The following ARHGAP26 variants were observed in gnomAD, a reference collection of about 807,000 sequenced individuals.
ARHGAP26 encodes rho GTPase-activating protein 26.
A neutral mutation model predicts 104.8 loss-of-function variants in ARHGAP26; 38 were observed. That is an observed-to-expected ratio of 0.36 (90% CI 0.28 to 0.48). ARHGAP26 has a LOEUF of 0.48. Among genes scored for constraint, ARHGAP26 ranks in the 20% least tolerant of loss-of-function variants. ARHGAP26 has a pLI of 0.99. For synonymous variants in ARHGAP26, 341 were observed against 340.0 expected, an observed-to-expected ratio of 1.00 and a Z score of -0.03; for missense variants, 704 against 947.9, an observed-to-expected ratio of 0.74 and a Z score of 3.38.
intron 11 of ARHGAP26, among the ~76,000 whole-genome samples, chr5:142,979,898 C>T (rs1487220494): frequency 1.3e-5 from 2 of 152,186 alleles, no homozygotes; most frequent in Admixed American, 6.5e-5. Context: ...CTGGAAACTC[C>T]GGAGTGAGGC....
At chr5:143,021,545 A>AGG (rs1415195551) in intron 12 of ARHGAP26, among the ~76,000 whole-genome samples, 1 of 152,154 alleles carries the variant, frequency 6.6e-6, no homozygotes, top group African/African-American at 2.4e-5. Context: ...GATTAGAGAG[A>AGG]GGGTTTGCAT....
At chr5:142,876,829 T>G (rs1466164528) in intron 3 of ARHGAP26, among the ~76,000 whole-genome samples, 1 of 104,526 alleles carries the variant, frequency 9.6e-6, no homozygotes, top group African/African-American at 3.6e-5. Context: ...CCAAACAGAG[T>G]AGAAACCTCT....
chr5:143,149,174 G>A (rs554426882), intron 20 of ARHGAP26, among the ~76,000 whole-genome samples: 1 of 152,232 alleles, frequency 6.6e-6, no homozygotes, highest in South Asian at 2.1e-4. Context: ...TGCCTGCCTG[G>A]TACAGATCTG....
chr5:143,024,246 G>A (rs1329376457), intron 12 of ARHGAP26, among the ~76,000 whole-genome samples: 1 of 152,124 alleles, frequency 6.6e-6, no homozygotes, highest in African/African-American at 2.4e-5. Flanking sequence ...GACTGGTGGT[G>A]GTACTCCTTG....
chr5:143,028,979 T>A (rs751032801), intron 12 of ARHGAP26, among the ~76,000 whole-genome samples: 23 of 152,212 alleles, frequency 1.5e-4, no homozygotes, highest in Admixed American at 5.2e-4. Context: ...TAAGAACCAG[T>A]TGGCCACCTT....
At chr5:143,094,480 G>A (rs949107916) in intron 17 of ARHGAP26, among the ~76,000 whole-genome samples, 15 of 152,216 alleles carry the variant, frequency 9.9e-5, no homozygotes, top group African/African-American at 3.4e-4. Flanking sequence ...CCCCCAGAGG[G>A]GAACGTAATC....
chr5:142,990,653 C>G (rs1013092480), intron 11 of ARHGAP26, among the ~76,000 whole-genome samples: 1 of 152,094 alleles, frequency 6.6e-6, no homozygotes, highest in African/African-American at 2.4e-5. Context: ...TGTGGATGTC[C>G]TTTCTGTTTG....
In ARHGAP26 at chr5:143,192,740, T is replaced by TC. The variant is rs1806132200; in HGVS notation, c.1989-14458_1989-14457insC. 3 of 152,266 alleles carry TC rather than the reference T, an allele frequency of 2.0e-5. No individual in the cohort carries two copies. In the South Asian group the frequency reaches 6.2e-4, roughly 32 times the overall value. 9.4% of individuals were successfully genotyped at this position (152,266 alleles called of 1,614,324 possible). A position where few individuals can be genotyped will look rare whatever the true frequency, so the allele number is the denominator to read the frequency against. ...AAAAATGGAAGTCATAAGCTGACAT[T>TC]TTGGGAAGTCTCATGGTGGATCTAA... On this transcript the variant is annotated intron_variant, in intron 20 of 22. Coordinates refer to ENST00000645722, the MANE Select transcript of ARHGAP26 (RefSeq NM_001135608.3).
rs3776332 is a variant in ARHGAP26 at position 143,061,949 on chromosome 5, C to T, written c.1538+4202C>T. ...CACTTTATGTCACATCTCATTGGTC[C>T]AGAGCAGTCATTGAGGACCACCATG... is the stretch of plus-strand genomic sequence containing the variant. On this transcript the variant is annotated intron_variant, in intron 17 of 22. Coordinates refer to ENST00000645722, the MANE Select transcript of ARHGAP26 (RefSeq NM_001135608.3). Among the ~76,000 whole-genome samples, 6,288 of 152,198 alleles carry T rather than the reference C, an allele frequency of 0.041. 830 individuals are homozygous for T. In the East Asian group the frequency reaches 0.52, roughly 13 times the overall value.
At chr5:143,213,875 C>T in intron 21 of ARHGAP26, 122 bp from the exon 22 acceptor site, 1 of 522,314 alleles carries the variant, frequency 1.9e-6, no homozygotes, top group African/African-American at 1.9e-5. Flanking sequence ...GCTGCCTTGC[C>T]AGGCACTTCC....
chr5:142,882,442 C>T (rs554075872), intron 4 of ARHGAP26, among the ~76,000 whole-genome samples: 5 of 152,338 alleles, frequency 3.3e-5, no homozygotes, highest in African/African-American at 1.2e-4. Flanking sequence ...TGCTCTGTGC[C>T]AGCACTGTTC....
chr5:143,133,057 G>A (rs2150891685), intron 18 of ARHGAP26, among the ~76,000 whole-genome samples: 1 of 152,134 alleles, frequency 6.6e-6, no homozygotes, highest in African/African-American at 2.4e-5. Flanking sequence ...AATAAGTGGT[G>A]GCTACTATAA....
chr5:142,785,366 T>G (rs1758368146), intron 1 of ARHGAP26, among the ~76,000 whole-genome samples: 1 of 152,224 alleles, frequency 6.6e-6, no homozygotes, highest in Admixed American at 6.5e-5. Flanking sequence ...CCTGGCACTG[T>G]TCTTGCTCTT....
chr5:142,857,188 C>A (rs1752497410), intron 1 of ARHGAP26, among the ~76,000 whole-genome samples: 1 of 152,134 alleles, frequency 6.6e-6, no homozygotes, highest in Non-Finnish European at 1.5e-5. Flanking sequence ...TCCTATATGA[C>A]CTCATTTTAA....
At chr5:143,181,301 C>T (rs1040026281) in intron 20 of ARHGAP26, among the ~76,000 whole-genome samples, 7 of 152,202 alleles carry the variant, frequency 4.6e-5, no homozygotes, top group African/African-American at 1.2e-4. Flanking sequence ...GCCATTGCAG[C>T]GTCTGTTTAC....
chr5:142,858,053 G>C (rs1283485492), intron 1 of ARHGAP26, among the ~76,000 whole-genome samples: 4 of 146,616 alleles, frequency 2.7e-5, no homozygotes. Flanking sequence ...GAGAGAGAGA[G>C]AGAGAATCTG....
intron 11 of ARHGAP26, among the ~76,000 whole-genome samples, chr5:142,983,177 C>G (rs1774204054): frequency 6.6e-6 from 1 of 152,166 alleles, no homozygotes; most frequent in South Asian, 2.1e-4. Context: ...CTTGCTACCC[C>G]ACGGTGAATT....
intron 11 of ARHGAP26, among the ~76,000 whole-genome samples, chr5:142,986,863 T>C (rs1361237799): frequency 6.6e-6 from 1 of 152,222 alleles, no homozygotes; most frequent in Non-Finnish European, 1.5e-5. Context: ...AATTGGTCTG[T>C]ATCTCTGTTT....
chr5:143,221,906 G>A (rs916265744), intron 22 of ARHGAP26, among the ~76,000 whole-genome samples: 1 of 136,774 alleles, frequency 7.3e-6, no homozygotes, highest in African/African-American at 2.9e-5. Flanking sequence ...TACTGGGCAG[G>A]TGGGTGGGTG....
Sources: allele counts gnomAD v4.1 joint callset (sites outside exome capture counted in the v4.1 genomes callset), GRCh38; gene constraint gnomAD v4.1.1; transcripts MANE v1.5; gene names NCBI Gene and HGNC (gene_info 2026-07-23, HGNC 2026-07-21).